Variants in RBL1 observed in about 807,000 individuals in gnomAD.
RBL1 encodes retinoblastoma-like protein 1.
Under a neutral mutation model 123.0 loss-of-function variants are expected in RBL1, and 82 were observed. That is an observed-to-expected ratio of 0.67 (90% CI 0.56 to 0.80). The LOEUF (loss-of-function observed/expected upper bound fraction) is 0.80. RBL1 is among the 30% of genes least tolerant of loss of function. The pLI is 0.00. For synonymous variants in RBL1, 405 were observed against 441.3 expected (o/e 0.92, Z 1.03); for missense variants, 1,171 against 1,299.6 (o/e 0.90, Z 1.52).
At chr20:37,046,936 A>T (rs1350565664) in intron 12 of RBL1, 117 bp downstream of exon 12, 1 of 1,375,778 alleles carries the variant, frequency 7.3e-7, no homozygotes, top group Non-Finnish European at 9.4e-7. Flanking sequence ...TTCAGAACAC[A>T]TCTGGAAACA....
chr20:37,023,981 C>T (rs1324863657), intron 16 of RBL1, among the ~76,000 whole-genome samples: 1 of 151,138 alleles, frequency 6.6e-6, no homozygotes, highest in Non-Finnish European at 1.5e-5. Flanking sequence ...GATGGGGTTT[C>T]ACCATGTTGC....
intron 2 of RBL1, among the ~76,000 whole-genome samples, chr20:37,068,971 GC>G (rs1268518243): frequency 2.0e-5 from 3 of 152,250 alleles, no homozygotes; most frequent in African/African-American, 4.8e-5. Flanking sequence ...GACTCAGCCT[GC>G]CGAGTGCCTG....
intron 2 of RBL1, among the ~76,000 whole-genome samples, chr20:37,080,310 C>T (rs11905685): frequency 1.3e-4 from 19 of 151,470 alleles, no homozygotes; most frequent in African/African-American, 4.6e-4. Context: ...GCAAGCACCA[C>T]CATGTTCGGC....
chr20:37,049,320 A>G (rs908290831), intron 11 of RBL1: 1 of 656,314 alleles, frequency 1.5e-6, no homozygotes, highest in African/African-American at 1.8e-5. Flanking sequence ...CTCGGATACG[A>G]CAGAAAATGT....
In RBL1 at chr20:37,001,942, A is replaced by C. The variant is rs1371409563; in HGVS notation, c.3036+1760T>G. On this transcript the variant is annotated intron_variant, in intron 21 of 21. Transcript: ENST00000373664. ...ATAAAAAAAAAAAAAAAAAAAAAAA[A>C]CAAACCAAACCAATCCAAACCAAAA... Among the ~76,000 whole-genome samples the C allele has an allele frequency of 2.5e-3, 335 of 135,538 alleles. 2 individuals are homozygous for C. Among genetic ancestry groups the C allele is most frequent in the African/African-American group, 9.2e-3 (312 of 34,008 alleles). 88.9% of individuals were successfully genotyped at this position (135,538 alleles called of 152,430 possible).
intron 16 of RBL1, among the ~76,000 whole-genome samples, chr20:37,024,900 A>G (rs1254596029): frequency 1.3e-5 from 2 of 152,222 alleles, no homozygotes; most frequent in Non-Finnish European, 2.9e-5. Context: ...AAGCCAGTAA[A>G]GGTGGTGAAA....
intron 19 of RBL1, among the ~76,000 whole-genome samples, chr20:37,012,152 G>C (rs376430206): frequency 3.3e-5 from 5 of 152,234 alleles, no homozygotes; most frequent in African/African-American, 4.8e-5. Flanking sequence ...GACGGAGTCT[G>C]GTTCACTCAG....
chr20:37,030,716 G>C (rs1284274397), intron 16 of RBL1, among the ~76,000 whole-genome samples: 1 of 152,082 alleles, frequency 6.6e-6, no homozygotes, highest in Non-Finnish European at 1.5e-5. Flanking sequence ...TTAGCCAGGC[G>C]TGGTGGCATA....
chr20:37,081,117 T>G (rs914493636), intron 2 of RBL1, among the ~76,000 whole-genome samples: 1 of 152,208 alleles, frequency 6.6e-6, no homozygotes, highest in Non-Finnish European at 1.5e-5. Flanking sequence ...GGAATTGCTT[T>G]GATCAAAGGG....
intron 2 of RBL1, among the ~76,000 whole-genome samples, chr20:37,075,551 G>C (rs1017718356): frequency 6.6e-6 from 1 of 152,028 alleles, no homozygotes; most frequent in Non-Finnish European, 1.5e-5. Flanking sequence ...CACCTCCTGG[G>C]TTCAAGTGAT....
At chr20:37,056,406 G>T in intron 9 of RBL1, 148 bp from the exon 10 acceptor site, 2 of 1,267,500 alleles carry the variant, frequency 1.6e-6, no homozygotes, top group South Asian at 3.4e-5. Context: ...CCAGGCTGGA[G>T]TGCAGTGGTG....
chr20:37,047,953 C>T (rs2064843752), intron 11 of RBL1, among the ~76,000 whole-genome samples: 1 of 152,102 alleles, frequency 6.6e-6, no homozygotes, highest in African/African-American at 2.4e-5. Flanking sequence ...ACACTCCATA[C>T]TGGGCGACAC....
At chr20:37,068,832 G>GCTCTCC (rs1355254630) in intron 2 of RBL1, among the ~76,000 whole-genome samples, 1 of 152,078 alleles carries the variant, frequency 6.6e-6, no homozygotes, top group Non-Finnish European at 1.5e-5. Flanking sequence ...AAAATTAGGA[G>GCTCTCC]CTCTCCCTCT....
chr20:37,095,178 G>A (rs948574572), intron 1 of RBL1, among the ~76,000 whole-genome samples: 7 of 152,236 alleles, frequency 4.6e-5, no homozygotes, highest in African/African-American at 1.7e-4. Flanking sequence ...GTAGGGCTGA[G>A]ATCAGCTTCG....
At chr20:37,054,062 T>G (rs753691869) in intron 11 of RBL1, among the ~76,000 whole-genome samples, 2 of 149,172 alleles carry the variant, frequency 1.3e-5, no homozygotes, top group African/African-American at 2.5e-5. Context: ...CACACACTGT[T>G]TTAATGTCAA....
At chr20:37,048,246 T>C (rs868775452) in intron 11 of RBL1, among the ~76,000 whole-genome samples, 16 of 152,102 alleles carry the variant, frequency 1.1e-4, no homozygotes, top group African/African-American at 1.7e-4. Flanking sequence ...GGGTGAAGCA[T>C]TGGGTGGGTG....
chr20:37,016,194 A>G (rs2064250202), intron 19 of RBL1, among the ~76,000 whole-genome samples: 1 of 151,374 alleles, frequency 6.6e-6, no homozygotes, highest in Admixed American at 6.6e-5. Flanking sequence ...TGCCCAGCTA[A>G]TTTTTGTATT....
chr20:37,020,683 C>A lies in RBL1; in HGVS notation c.2607G>T (p.Arg869Ser). The A allele has an allele frequency of 6.3e-7, 1 of 1,587,588 alleles. No individual in the cohort carries two copies. Among genetic ancestry groups the A allele is most frequent in the Non-Finnish European group, 8.6e-7 (1 of 1,164,716 alleles). ...RTFQEIMKSY[R>S]NQPQANSHVY... Reference sequence around the variant, plus strand: ...CGTGACTATTAGCTTGGGGCTGATTCCTATAACTTTTCATAATTTCTTGAA... The same window carrying A: ...CGTGACTATTAGCTTGGGGCTGATTACTATAACTTTTCATAATTTCTTGAA... Residue 869 changes from arginine to serine, a missense_variant, in exon 18 of 22, where the codon AGG becomes AGT. Coordinates refer to ENST00000373664, the MANE Select transcript of RBL1 (RefSeq NM_002895.5).
chr20:37,057,042 TAC>T (rs2065023651), intron 9 of RBL1, among the ~76,000 whole-genome samples: 1 of 151,760 alleles, frequency 6.6e-6, no homozygotes, highest in Non-Finnish European at 1.5e-5. Context: ...CCTACCTACC[TAC>T]CTACCTATCT....
Sources: allele counts gnomAD v4.1 joint callset (sites outside exome capture counted in the v4.1 genomes callset), GRCh38; gene constraint gnomAD v4.1.1; transcripts MANE v1.5; gene names NCBI Gene and HGNC (gene_info 2026-07-23, HGNC 2026-07-21).